ASIC2: variants seen among roughly 807,000 people sequenced by gnomAD.
The protein encoded by ASIC2 is acid sensing ion channel subunit 2.
Under a neutral mutation model 57.3 loss-of-function variants are expected in ASIC2, and 25 were observed. The observed-to-expected ratio is 0.44, with a 90% CI of 0.32 to 0.61. ASIC2 has a LOEUF of 0.61. ASIC2 is among the 20% of genes least tolerant of loss of function. The probability of loss-of-function intolerance (pLI) is 0.06; values close to 1 mark genes in which losing one functional copy is unlikely to be tolerated. For missense variants in ASIC2, 641 were observed against 738.1 expected, an observed-to-expected ratio of 0.87 and a Z score of 1.52; for synonymous variants, 319 against 307.5, an observed-to-expected ratio of 1.04 and a Z score of -0.39.
chr17:33,490,956 T>G (rs1329715226), intron 1 of ASIC2, among the ~76,000 whole-genome samples: 1 of 152,178 alleles, frequency 6.6e-6, no homozygotes, highest in Non-Finnish European at 1.5e-5. Flanking sequence ...TCCACCTGAA[T>G]TCAGAATACC....
chr17:33,122,363 A>T (rs2092305915), intron 1 of ASIC2, among the ~76,000 whole-genome samples: 1 of 152,112 alleles, frequency 6.6e-6, no homozygotes, highest in Non-Finnish European at 1.5e-5. Context: ...GACATGATGG[A>T]TTTGAAGTGC....
chr17:33,599,711 G>T (rs1905077833), intron 1 of ASIC2, among the ~76,000 whole-genome samples: 1 of 152,192 alleles, frequency 6.6e-6, no homozygotes, highest in South Asian at 2.1e-4. Context: ...CAGTGGAAGA[G>T]AAGAGGGCTG....
intron 1 of ASIC2, among the ~76,000 whole-genome samples, chr17:33,190,341 G>A (rs1211114288): frequency 2.0e-5 from 3 of 152,036 alleles, no homozygotes; most frequent in Admixed American, 6.6e-5. Flanking sequence ...CAAAATATTT[G>A]TAGAGTCATA....
chr17:33,921,295 G>C (rs1567756647), intron 1 of ASIC2, among the ~76,000 whole-genome samples: 1 of 152,066 alleles, frequency 6.6e-6, no homozygotes, highest in Non-Finnish European at 1.5e-5. Context: ...TTGATGTGTT[G>C]ATGTGAAGAG....
At position 33,641,180 on chromosome 17, in the gene ASIC2, C is replaced by T. The variant is rs1385970848; in HGVS notation, c.555+514798G>A. On this transcript the variant is annotated intron_variant, in intron 1 of 9. Transcript: ENST00000359872. ...TGGCTTCCTGGATCCTTCATAGAAT[C>T]TCCTTTCCTCTAGCCCCATTTTTCA... Among the ~76,000 whole-genome samples the T allele has an allele frequency of 3.9e-5, 6 of 152,306 alleles. No individual in the cohort carries two copies. The East Asian group carries it at 1.2e-3, about 29-fold the overall frequency.
chr17:33,796,878 T>A (rs972955436), intron 1 of ASIC2, among the ~76,000 whole-genome samples: 9 of 152,242 alleles, frequency 5.9e-5, no homozygotes, highest in Admixed American at 5.9e-4. Flanking sequence ...AATCATTTAA[T>A]CTATTGAGTC....
intron 6 of ASIC2, 116 bp downstream of exon 6, chr17:33,023,745 A>T: frequency 7.2e-7 from 1 of 1,398,462 alleles, no homozygotes; most frequent in Non-Finnish European, 9.9e-7. Flanking sequence ...AGGGTGTTCA[A>T]CTAATGTTTG....
chr17:34,072,533 T>C (rs1909454486), intron 1 of ASIC2, among the ~76,000 whole-genome samples: 1 of 152,162 alleles, frequency 6.6e-6, no homozygotes. Flanking sequence ...CTAAAAGCAA[T>C]ATATCCTTAT....
chr17:34,052,303 C>A (rs1363449657), intron 1 of ASIC2, among the ~76,000 whole-genome samples: 2 of 152,170 alleles, frequency 1.3e-5, no homozygotes, highest in African/African-American at 2.4e-5. Context: ...TTAGTGCCAC[C>A]TCTTATCTTC....
chr17:34,046,207 G>T (rs1908330102), intron 1 of ASIC2, among the ~76,000 whole-genome samples: 1 of 152,196 alleles, frequency 6.6e-6, no homozygotes. Context: ...TTCCAGCTGA[G>T]CCCTAACCAA....
intron 1 of ASIC2, among the ~76,000 whole-genome samples, chr17:33,897,768 T>C (rs1381839765): frequency 1.3e-5 from 2 of 152,224 alleles, no homozygotes. Flanking sequence ...AGGTGGAGCC[T>C]ATGGGAGAGG....
At chr17:33,233,536 ACACACACACACAC>A (rs1908185843) in intron 1 of ASIC2, among the ~76,000 whole-genome samples, 1 of 151,784 alleles carries the variant, frequency 6.6e-6, no homozygotes, top group Non-Finnish European at 1.5e-5. Context: ...ACACACACAC[ACACACACACACAC>A]ACACACACAT....
intron 1 of ASIC2, among the ~76,000 whole-genome samples, chr17:33,982,868 T>C (rs1216562100): frequency 6.6e-6 from 1 of 152,212 alleles, no homozygotes; most frequent in African/African-American, 2.4e-5. Flanking sequence ...CATGGGTGTA[T>C]AGAACTCCCT....
At chr17:33,445,909 CAT>C (rs1404140362) in intron 1 of ASIC2, among the ~76,000 whole-genome samples, 3 of 151,628 alleles carry the variant, frequency 2.0e-5, no homozygotes, top group Non-Finnish European at 4.4e-5. Flanking sequence ...CAGCAACAAA[CAT>C]ATACTATTCC....
intron 1 of ASIC2, among the ~76,000 whole-genome samples, chr17:34,149,381 C>T (rs141038441): frequency 5.8e-4 from 88 of 152,266 alleles, no homozygotes; most frequent in African/African-American, 2.0e-3. Context: ...TGGATTACTT[C>T]TATAATCAGA....
intron 1 of ASIC2, among the ~76,000 whole-genome samples, chr17:33,700,952 TG>T (rs1009309776): frequency 6.6e-6 from 1 of 152,050 alleles, no homozygotes; most frequent in Admixed American, 6.6e-5. Flanking sequence ...AGAGTAGAAT[TG>T]GGGGAGCATT....
chr17:34,037,362 G>A, intron 1 of ASIC2: 1 of 391,972 alleles, frequency 2.6e-6, no homozygotes, highest in Non-Finnish European at 4.6e-6. Context: ...CTCACTCAGA[G>A]CAGCCACACA....
rs187292063 is a variant in ASIC2 at position 33,552,118 on chromosome 17, A to G, written c.556-440051T>C. On this transcript the variant is annotated intron_variant, in intron 1 of 9. Transcript: ENST00000359872. ...GCTGCCTCGCTTCAAGTGCTGTTTTATAAGCAGTGTTTGCAGAGAGTTAAC... is the reference window on the plus strand; with the variant it reads ...GCTGCCTCGCTTCAAGTGCTGTTTTGTAAGCAGTGTTTGCAGAGAGTTAAC... 5.9e-4 allele frequency among the ~76,000 whole-genome samples: 90 copies of G among 152,356 alleles called. 1 individual carries two copies. Among genetic ancestry groups the G allele is most frequent in the Non-Finnish European group, 1.1e-3 (77 of 68,034 alleles).
chr17:33,600,573 T>C (rs1597803231), intron 1 of ASIC2, among the ~76,000 whole-genome samples: 1 of 152,214 alleles, frequency 6.6e-6, no homozygotes, highest in Non-Finnish European at 1.5e-5. Context: ...ATAAAAAGCC[T>C]ATATTGCAAT....
Sources: allele counts gnomAD v4.1 joint callset (sites outside exome capture counted in the v4.1 genomes callset), GRCh38; gene constraint gnomAD v4.1.1; transcripts MANE v1.5; gene names NCBI Gene and HGNC (gene_info 2026-07-23, HGNC 2026-07-21).